DMD: variants seen among roughly 807,000 people sequenced by gnomAD.
DMD encodes dystrophin, also known as mutant dystrophin.
In DMD, 63 loss-of-function variants were observed where a neutral mutation model predicts 330.1. That is an observed-to-expected ratio of 0.19 (90% CI 0.16 to 0.24). The LOEUF (loss-of-function observed/expected upper bound fraction) is 0.24. DMD is among the 10% of genes least tolerant of loss of function. The pLI is 1.00. For missense variants in DMD, 3,344 were observed against 2,684.1 expected (o/e 1.25, Z -5.43); for synonymous variants, 1,223 against 959.8 (o/e 1.27, Z -5.07).
chrX:31,901,216 A>G (rs2094417379), intron 47 of DMD, among the ~76,000 whole-genome samples: 1 of 112,009 alleles, frequency 8.9e-6, no homozygotes, highest in South Asian at 3.7e-4. Context: ...TTACTCAGAG[A>G]TAAAGATTTA....
At chrX:32,983,052 T>C (rs941672604) in intron 2 of DMD, among the ~76,000 whole-genome samples, 1 of 111,929 alleles carries the variant, frequency 8.9e-6, no homozygotes, top group African/African-American at 3.2e-5. Flanking sequence ...CAGCAAACCA[T>C]AAAGATTCCT....
chrX:32,280,945 G>C (rs1234265806), intron 43 of DMD, among the ~76,000 whole-genome samples: 2 of 112,393 alleles, frequency 1.8e-5, no homozygotes, highest in Admixed American at 1.9e-4. Flanking sequence ...ATTCCCTACT[G>C]TCTGAATACA....
intron 55 of DMD, among the ~76,000 whole-genome samples, chrX:31,584,038 T>C (rs749536063): frequency 8.8e-4 from 95 of 107,512 alleles, no homozygotes; most frequent in Middle Eastern, 4.7e-3. Context: ...CATAGTTTGC[T>C]GAGAATGATG....
At chrX:31,539,701 C>T (rs1230237531) in intron 55 of DMD, among the ~76,000 whole-genome samples, 1 of 111,855 alleles carries the variant, frequency 8.9e-6, no homozygotes, top group African/African-American at 3.2e-5. Flanking sequence ...TCTGTAATAT[C>T]GTTTTGAGAC....
chrX:33,151,650 T>C (rs1439249672), intron 1 of DMD, among the ~76,000 whole-genome samples: 1 of 111,990 alleles, frequency 8.9e-6, no homozygotes, highest in African/African-American at 3.2e-5. Flanking sequence ...CTTGTAGTCT[T>C]AGGTAAGTTA....
intron 60 of DMD, among the ~76,000 whole-genome samples, chrX:31,353,952 T>C (rs1250494664): frequency 3.6e-5 from 4 of 112,085 alleles, no homozygotes; most frequent in Non-Finnish European, 7.5e-5. Flanking sequence ...TAACATCTTT[T>C]TGGAAGCATA....
intron 13 of DMD, among the ~76,000 whole-genome samples, chrX:32,586,251 T>A (rs1177710286): frequency 1.8e-5 from 2 of 110,413 alleles, no homozygotes; most frequent in Non-Finnish European, 3.8e-5. Flanking sequence ...ACTTCCTTAC[T>A]GAACAGTGTC....
intron 44 of DMD, among the ~76,000 whole-genome samples, chrX:32,006,024 T>C (rs187220829): frequency 1.8e-5 from 2 of 111,215 alleles, no homozygotes; most frequent in Non-Finnish European, 3.8e-5. Flanking sequence ...CTTTAGACGG[T>C]GGGTGGGGTG....
chrX:32,765,253 G>T (rs1243512043), intron 7 of DMD, among the ~76,000 whole-genome samples: 1 of 110,809 alleles, frequency 9.0e-6, no homozygotes, highest in Non-Finnish European at 1.9e-5. Context: ...GAGGTGATTG[G>T]ATCACTGGGG....
chrX:31,580,111 C>T (rs2076274984), intron 55 of DMD, among the ~76,000 whole-genome samples: 1 of 111,863 alleles, frequency 8.9e-6, no homozygotes, highest in African/African-American at 3.3e-5. Context: ...ATCTCCCCAT[C>T]TCAAAGTCAC....
chrX:32,803,794 C>G (rs968264044), intron 7 of DMD, among the ~76,000 whole-genome samples: 33 of 112,262 alleles, frequency 2.9e-4, no homozygotes, highest in African/African-American at 1.1e-3. Flanking sequence ...ATCCCGCATT[C>G]TAATTAGATT....
chrX:32,751,642 A>G (rs1013372631), intron 7 of DMD, among the ~76,000 whole-genome samples: 3 of 112,799 alleles, frequency 2.7e-5, no homozygotes, highest in Non-Finnish European at 3.7e-5. Context: ...AGAAATTTGT[A>G]TAAGTAACAA....
chrX:33,074,967 G>A (rs2094816832), intron 1 of DMD, among the ~76,000 whole-genome samples: 1 of 111,221 alleles, frequency 9.0e-6, no homozygotes, highest in Non-Finnish European at 1.9e-5. Context: ...AAACTCAACC[G>A]CGTTTGTAGA....
At chrX:31,639,365 C>CTGTT (rs1330378349) in intron 54 of DMD, among the ~76,000 whole-genome samples, 1 of 111,833 alleles carries the variant, frequency 8.9e-6, no homozygotes, top group Non-Finnish European at 1.9e-5. Context: ...TGTGGAAACC[C>CTGTT]TGTTTATAAA....
At chrX:33,290,124 T>C (rs1000403117) in intron 1 of DMD, among the ~76,000 whole-genome samples, 10 of 111,879 alleles carry the variant, frequency 8.9e-5, no homozygotes, top group Non-Finnish European at 1.3e-4. Context: ...CATTTAAGAT[T>C]TCTGTCTTCC....
At chrX:32,655,029 T>G (rs1332504227) in intron 9 of DMD, among the ~76,000 whole-genome samples, 1 of 111,889 alleles carries the variant, frequency 8.9e-6, no homozygotes, top group Admixed American at 9.5e-5. Context: ...TCTATTTGAT[T>G]CTTCTCTCTT....
At chrX:32,710,233 A>T (rs2065066706) in intron 7 of DMD, among the ~76,000 whole-genome samples, 2 of 110,506 alleles carry the variant, frequency 1.8e-5, no homozygotes, top group Non-Finnish European at 1.9e-5. Context: ...ACAACCAATA[A>T]GTGACAGTCT....
intron 62 of DMD, among the ~76,000 whole-genome samples, chrX:31,306,287 G>A (rs1365352043): frequency 9.0e-6 from 1 of 111,452 alleles, no homozygotes; most frequent in Non-Finnish European, 1.9e-5. Flanking sequence ...ATAAGCGGAA[G>A]AGCTGCTGCA....
At chrX:31,205,865 T>C (rs1368022034) in intron 66 of DMD, among the ~76,000 whole-genome samples, 1 of 112,258 alleles carries the variant, frequency 8.9e-6, no homozygotes, top group Non-Finnish European at 1.9e-5. Context: ...TAGGCTGAAT[T>C]TGTTTAATAT....
Sources: allele counts gnomAD v4.1 joint callset (sites outside exome capture counted in the v4.1 genomes callset), GRCh38; gene constraint gnomAD v4.1.1; transcripts MANE v1.5; gene names NCBI Gene and HGNC (gene_info 2026-07-23, HGNC 2026-07-21).